The following GRM8 variants were observed in gnomAD, a reference collection of about 807,000 sequenced individuals.
GRM8 encodes metabotropic glutamate receptor 8.
Under a neutral mutation model 87.2 loss-of-function variants are expected in GRM8, and 47 were observed. That is an observed-to-expected ratio of 0.54 (90% confidence interval 0.43 to 0.69). The LOEUF is 0.69. Among genes scored for constraint, GRM8 ranks in the 30% least tolerant of loss-of-function variants. The probability of loss-of-function intolerance (pLI) is 0.00; values close to 1 mark genes in which losing one functional copy is unlikely to be tolerated. For synonymous variants in GRM8, 396 were observed against 404.5 expected, an observed-to-expected ratio of 0.98 and a Z score of 0.25; for missense variants, 1,019 against 1,139.2, an observed-to-expected ratio of 0.89 and a Z score of 1.52.
intron 3 of GRM8, among the ~76,000 whole-genome samples, chr7:127,085,833 C>T (rs1331427797): frequency 1.3e-5 from 2 of 152,130 alleles, no homozygotes; most frequent in African/African-American, 4.8e-5. Flanking sequence ...TCTATTTTCA[C>T]TTTTGTTGCC....
intron 7 of GRM8, among the ~76,000 whole-genome samples, chr7:126,641,613 C>G (rs1802395689): frequency 6.6e-6 from 1 of 152,146 alleles, no homozygotes; most frequent in South Asian, 2.1e-4. Context: ...TTACATTATT[C>G]CATTTAATCC....
At chr7:126,883,237 G>A (rs1800182353) in intron 6 of GRM8, among the ~76,000 whole-genome samples, 1 of 152,046 alleles carries the variant, frequency 6.6e-6, no homozygotes, top group African/African-American at 2.4e-5. Context: ...GATTTTCCTG[G>A]GCTAGGTAAA....
chr7:127,245,463 A>G (rs567655259), intron 1 of GRM8, among the ~76,000 whole-genome samples: 8 of 152,374 alleles, frequency 5.3e-5, no homozygotes, highest in African/African-American at 1.2e-4. Context: ...ATGGCTTTCA[A>G]TTATAGACGA....
At chr7:127,039,077 C>T (rs1818110535) in intron 3 of GRM8, among the ~76,000 whole-genome samples, 1 of 152,102 alleles carries the variant, frequency 6.6e-6, no homozygotes, top group Admixed American at 6.5e-5. Context: ...GGTATATTGG[C>T]CCACTTCCTC....
chr7:126,780,384 C>T (rs1819929392), intron 6 of GRM8, among the ~76,000 whole-genome samples: 3 of 152,120 alleles, frequency 2.0e-5, no homozygotes. Context: ...TTAGTATATA[C>T]ATTAGGCAGT....
rs577331674 is a variant in GRM8 at position 126,760,126 on chromosome 7, G to A, written c.1357+9739C>T. Among the ~76,000 whole-genome samples the A allele has an allele frequency of 6.3e-4, 96 of 152,152 alleles. 1 individual carries two copies. In the South Asian group the frequency reaches 8.3e-3, roughly 13 times the overall value. On this transcript the variant is annotated intron_variant, in intron 7 of 10. Transcript: ENST00000339582. ...TTACTGCATCCCAGTTTAGACCCAAGGTCAGCCCTCAATTATTAAGCCCAT... is the reference window on the plus strand; with the variant it reads ...TTACTGCATCCCAGTTTAGACCCAAAGTCAGCCCTCAATTATTAAGCCCAT...
At chr7:126,931,551 A>T (rs1586502463) in intron 3 of GRM8, among the ~76,000 whole-genome samples, 1 of 152,380 alleles carries the variant, frequency 6.6e-6, no homozygotes, top group Non-Finnish European at 1.5e-5. Context: ...AGAAAACATT[A>T]CTTCAAATAG....
chr7:126,890,737 C>T (rs1480675514), intron 6 of GRM8, among the ~76,000 whole-genome samples: 1 of 151,930 alleles, frequency 6.6e-6, no homozygotes, highest in Non-Finnish European at 1.5e-5. Context: ...AGGAGAGGAT[C>T]AGGGTTGTAG....
At position 126,903,986 on chromosome 7, in the gene GRM8, C is replaced by T. The variant is rs553146140; in HGVS notation, c.1004G>A (p.Arg335Gln). The change falls in exon 5 of 11, where the codon CGA becomes CAA. Residue 335 changes from arginine to glutamine, a missense_variant. Arg to Gln is a conservative substitution (Grantham distance 43, BLOSUM62 1). Coordinates refer to ENST00000339582, the MANE Select transcript of GRM8 (RefSeq NM_000845.3). ...AEGAVTILPKRASIDGFDRYF... is the reference protein window; with the variant it reads ...AEGAVTILPKQASIDGFDRYF... The stretch of plus-strand genomic sequence containing the variant: ...TGCATTCTTACCATCAATTGATGCT[C>T]GTTTGGGCAAAATTGTCACAGCCCC... 1.9e-5 allele frequency: 29 copies of T among 1,538,542 alleles called. No homozygotes were observed. The East Asian group carries it at 5.4e-4, about 29-fold the overall frequency.
chr7:126,533,589 G>A lies in GRM8; in HGVS notation c.1793C>T (p.Thr598Ile). The A allele has an allele frequency of 6.2e-7, 1 of 1,614,074 alleles. No homozygotes were observed. The highest frequency in any genetic ancestry group is 8.5e-7 in the Non-Finnish European group (1 of 1,179,994). The change falls in exon 9 of 11, where the codon ACC becomes ATC. Residue 598 changes from threonine to isoleucine, a missense_variant. Coordinates refer to ENST00000339582, the MANE Select transcript of GRM8 (RefSeq NM_000845.3). ...VFVAILGIIATTFVIVTFVRY... is the reference protein window; with the variant it reads ...VFVAILGIIAITFVIVTFVRY... ...GACAAAGGTCACGATCACAAAGGTG[G>A]TGGCGATGATTCCCAATATTGCAAC...
At chr7:127,168,686 G>C (rs1378655554) in intron 2 of GRM8, among the ~76,000 whole-genome samples, 1 of 152,150 alleles carries the variant, frequency 6.6e-6, no homozygotes, top group African/African-American at 2.4e-5. Flanking sequence ...CCATAAAAAA[G>C]TGTGAGATCA....
At chr7:126,552,791 A>G (rs574645865) in intron 8 of GRM8, among the ~76,000 whole-genome samples, 2 of 152,228 alleles carry the variant, frequency 1.3e-5, no homozygotes, top group African/African-American at 2.4e-5. Flanking sequence ...CCAATGATAA[A>G]ATCATTCTAC....
At chr7:126,969,798 T>C (rs2518942) in intron 3 of GRM8, among the ~76,000 whole-genome samples, 58,435 of 151,880 alleles carry the variant, frequency 0.38, 11,523 homozygotes, top group East Asian at 0.66. Flanking sequence ...CAGGTATCGC[T>C]ATCTAGGAAA....
At chr7:126,554,803 G>A (rs1260004635) in intron 8 of GRM8, among the ~76,000 whole-genome samples, 1 of 151,840 alleles carries the variant, frequency 6.6e-6, no homozygotes, top group African/African-American at 2.4e-5. Context: ...TGTCATATAT[G>A]TTATTTTTAG....
intron 7 of GRM8, among the ~76,000 whole-genome samples, chr7:126,630,631 A>G (rs181936255): frequency 9.5e-4 from 145 of 152,304 alleles, no homozygotes; most frequent in Non-Finnish European, 1.7e-3. Flanking sequence ...AAAACGCTCA[A>G]CAAAATACTA....
intron 3 of GRM8, among the ~76,000 whole-genome samples, chr7:126,947,541 T>C (rs527238812): frequency 2.6e-5 from 4 of 151,824 alleles, no homozygotes; most frequent in Non-Finnish European, 5.9e-5. Context: ...ATTGTATATA[T>C]ATGCACACAC....
intron 7 of GRM8, among the ~76,000 whole-genome samples, chr7:126,649,593 A>T (rs933954754): frequency 3.3e-5 from 5 of 152,282 alleles, no homozygotes; most frequent in Admixed American, 3.3e-4. Context: ...TGACTAATAC[A>T]GATTTTGGTA....
At chr7:126,652,692 G>A (rs990216656) in intron 7 of GRM8, among the ~76,000 whole-genome samples, 3 of 152,162 alleles carry the variant, frequency 2.0e-5, no homozygotes, top group Admixed American at 2.0e-4. Context: ...CTTCAGCTTT[G>A]GGGCTCAAAC....
At chr7:127,010,274 T>C (rs182480743) in intron 3 of GRM8, among the ~76,000 whole-genome samples, 10 of 152,340 alleles carry the variant, frequency 6.6e-5, no homozygotes, top group African/African-American at 2.4e-4. Context: ...TCACATTATA[T>C]TGATTTTTAT....
Sources: allele counts gnomAD v4.1 joint callset (sites outside exome capture counted in the v4.1 genomes callset), GRCh38; gene constraint gnomAD v4.1.1; transcripts MANE v1.5; gene names NCBI Gene and HGNC (gene_info 2026-07-23, HGNC 2026-07-21).